Variants in CTNNA3 observed in about 807,000 individuals in gnomAD.
CTNNA3 encodes catenin alpha 3, also known as catenin alpha-3.
In CTNNA3, 76 loss-of-function variants were observed where a neutral mutation model predicts 95.7. The observed-to-expected ratio is 0.79, with a 90% confidence interval of 0.66 to 0.96. The LOEUF (loss-of-function observed/expected upper bound fraction) is 0.96, where lower values mean the gene tolerates loss of function less well. CTNNA3 is among the 40% of genes least tolerant of loss of function. CTNNA3 has a pLI of 0.00. For missense variants in CTNNA3, 1,191 were observed against 1,089.8 expected (o/e 1.09, Z -1.31); for synonymous variants, 431 against 374.4 (o/e 1.15, Z -1.74).
chr10:67,743,698 G>C (rs1202453144), intron 1 of CTNNA3, among the ~76,000 whole-genome samples: 1 of 151,226 alleles, frequency 6.6e-6, no homozygotes, highest in Non-Finnish European at 1.5e-5. Context: ...ATTAGGAAAA[G>C]AGGAAGTTAA....
chr10:65,993,619 T>C (rs2078588880), intron 15 of CTNNA3, among the ~76,000 whole-genome samples: 1 of 152,232 alleles, frequency 6.6e-6, no homozygotes, highest in Non-Finnish European at 1.5e-5. Context: ...ATCCTTTACT[T>C]TCATTCTATA....
chr10:65,984,023 G>GAT (rs889585373), intron 16 of CTNNA3, among the ~76,000 whole-genome samples: 18 of 150,894 alleles, frequency 1.2e-4, no homozygotes, highest in African/African-American at 3.6e-4. Context: ...TGTAATAGAT[G>GAT]ATATATATAT....
intron 7 of CTNNA3, among the ~76,000 whole-genome samples, chr10:67,173,658 C>T (rs12762298): frequency 0.27 from 41,511 of 152,056 alleles, 6,750 homozygotes; most frequent in Middle Eastern, 0.52. Flanking sequence ...CCTTATATTT[C>T]GTCCAAGTTA....
intron 5 of CTNNA3, among the ~76,000 whole-genome samples, chr10:67,488,687 T>TC (rs1564687448): frequency 6.6e-6 from 1 of 150,658 alleles, no homozygotes. Context: ...TTTTTTTTTT[T>TC]TGAGACAAAG....
intron 10 of CTNNA3, among the ~76,000 whole-genome samples, chr10:66,540,716 T>C (rs2132075752): frequency 6.6e-6 from 1 of 151,764 alleles, no homozygotes; most frequent in Non-Finnish European, 1.5e-5. Context: ...AGGCACCTAG[T>C]TTAAGGTTAT....
intron 3 of CTNNA3, among the ~76,000 whole-genome samples, chr10:67,553,246 G>A (rs34596854): frequency 0.012 from 1,803 of 152,106 alleles, 28 homozygotes; most frequent in Non-Finnish European, 0.016. Flanking sequence ...CCTAAAAATC[G>A]TTTGTAACTA....
intron 10 of CTNNA3, among the ~76,000 whole-genome samples, chr10:66,621,298 C>A (rs1009752720): frequency 1.3e-5 from 2 of 152,054 alleles, no homozygotes; most frequent in African/African-American, 4.8e-5. Flanking sequence ...TTTTAAGAAT[C>A]GCCTTAGGAC....
chr10:66,777,329 A>G (rs1031823904), intron 7 of CTNNA3, among the ~76,000 whole-genome samples: 1 of 152,196 alleles, frequency 6.6e-6, no homozygotes, highest in African/African-American at 2.4e-5. Context: ...GTAAGTCTTT[A>G]CCATGTTTTA....
At chr10:67,414,442 G>T (rs1466393776) in intron 5 of CTNNA3, among the ~76,000 whole-genome samples, 2 of 151,784 alleles carry the variant, frequency 1.3e-5, no homozygotes. Flanking sequence ...CAATAATAAA[G>T]AACCTACCAA....
At chr10:67,750,358 C>A (rs879059188) in intron 1 of CTNNA3, 1 of 1,506,998 alleles carries the variant, frequency 6.6e-7, no homozygotes, top group Admixed American at 1.7e-5. Flanking sequence ...AGTCTCCTCT[C>A]GGCAAAGTGA....
intron 3 of CTNNA3, among the ~76,000 whole-genome samples, chr10:67,583,066 G>T (rs1222524963): frequency 6.6e-6 from 1 of 151,970 alleles, no homozygotes; most frequent in Admixed American, 6.6e-5. Flanking sequence ...TACATTTAAG[G>T]TTAATATTGT....
chr10:66,534,469 C>CATATATAT (rs58455418), intron 10 of CTNNA3, among the ~76,000 whole-genome samples: 8 of 146,920 alleles, frequency 5.4e-5, no homozygotes, highest in African/African-American at 2.0e-4. Flanking sequence ...TTATAAAAAT[C>CATATATAT]ATATATATAT....
intron 14 of CTNNA3, 82 bp downstream of exon 14, chr10:66,103,075 A>C: frequency 1.8e-6 from 2 of 1,116,474 alleles, no homozygotes; most frequent in Non-Finnish European, 2.7e-6. Context: ...CCCACCCATT[A>C]GAGGCTGCCT....
At chr10:66,037,005 T>C (rs905590656) in intron 15 of CTNNA3, among the ~76,000 whole-genome samples, 2 of 151,546 alleles carry the variant, frequency 1.3e-5, no homozygotes, top group African/African-American at 4.8e-5. Flanking sequence ...CCCGAGTAGC[T>C]GGGACTACAG....
chr10:67,026,338 G>A (rs1853389677), intron 7 of CTNNA3, among the ~76,000 whole-genome samples: 1 of 151,520 alleles, frequency 6.6e-6, no homozygotes, highest in Non-Finnish European at 1.5e-5. Flanking sequence ...TTAAGAAGAT[G>A]AATTAATATT....
At chr10:65,921,299 C>T (rs549453431) in intron 17 of CTNNA3, among the ~76,000 whole-genome samples, 2 of 152,248 alleles carry the variant, frequency 1.3e-5, no homozygotes, top group Admixed American at 1.3e-4. Flanking sequence ...GTATAGAATA[C>T]CTGGATCTTT....
chr10:67,728,077 T>C (rs1023202615), intron 1 of CTNNA3, among the ~76,000 whole-genome samples: 6 of 140,904 alleles, frequency 4.3e-5, no homozygotes, highest in Admixed American at 3.7e-4. Flanking sequence ...TTACATATTA[T>C]ATATTATATA....
At chr10:67,533,510 A>G (rs1193462022) in intron 4 of CTNNA3, among the ~76,000 whole-genome samples, 2 of 152,204 alleles carry the variant, frequency 1.3e-5, no homozygotes, top group Non-Finnish European at 2.9e-5. Flanking sequence ...AAGTTTCTAC[A>G]ATTGATGAAA....
chr10:66,527,405 C>A (rs1841306974), intron 10 of CTNNA3, among the ~76,000 whole-genome samples: 1 of 152,018 alleles, frequency 6.6e-6, no homozygotes, highest in African/African-American at 2.4e-5. Flanking sequence ...CTTGAGATTC[C>A]ATATGAAATT....
Sources: gnomAD v4.1 joint callset for allele counts (sites outside exome capture counted in the v4.1 genomes callset) on GRCh38, gnomAD v4.1.1 for gene constraint, MANE v1.5 for transcripts, NCBI Gene and HGNC (gene_info 2026-07-23, HGNC 2026-07-21) for gene names.